The following TOP2A variants were observed in gnomAD, a reference collection of about 807,000 sequenced individuals.
The protein encoded by TOP2A is DNA topoisomerase II alpha, also known as DNA topoisomerase 2-alpha.
A neutral mutation model predicts 187.2 loss-of-function variants in TOP2A; 68 were observed. The ratio of observed to expected loss-of-function variants is 0.36; its 90% confidence interval spans 0.30 to 0.44. The LOEUF (loss-of-function observed/expected upper bound fraction) is 0.44. Ranked by LOEUF, TOP2A falls within the 20% of genes least tolerant of loss-of-function variation. The pLI, the probability that TOP2A is intolerant of heterozygous loss-of-function variation, is 1.00. For synonymous variants in TOP2A, 542 were observed against 593.2 expected, an observed-to-expected ratio of 0.91 and a Z score of 1.25; for missense variants, 1,196 against 1,808.7, an observed-to-expected ratio of 0.66 and a Z score of 6.14.
Position 40,392,227 on chromosome 17 carries a change from G to A in TOP2A, c.4079C>T (p.Thr1360Ile). ...TAGATAAGATACTTGCTTTGGGGAA[G>A]TTTTGGTCTTAGGTGGACTAGCATC... The part of the protein sequence containing the change: ...PSDASPPKTK[T>I]SPKLSNKELK... The change falls in exon 31 of 35, where the codon ACT becomes ATT. Residue 1360 changes from threonine to isoleucine, a missense_variant. By Grantham distance (89) the Thr-to-Ile change is moderately conservative. This residue lies in a region of TOP2A where 374 missense variants were observed against 403.3 expected (regional missense o/e 0.93). Transcript: ENST00000423485. The A allele has an allele frequency of 6.2e-7, 1 of 1,613,152 alleles. No homozygotes were observed. The highest frequency in any genetic ancestry group is 1.3e-5 in the African/African-American group (1 of 75,006).
chr17:40,396,332 G>A lies in TOP2A; in HGVS notation c.3671C>T (p.Thr1224Ile). The change falls in exon 28 of 35, where the codon ACC becomes ATC. Residue 1224 changes from threonine to isoleucine, a missense_variant. Thr to Ile is a moderately conservative substitution (Grantham distance 89, BLOSUM62 -1). Around this residue, in one of 10 missense-constraint regions of TOP2A, gnomAD observed 374 missense variants for 403.3 expected, o/e 0.93. Transcript: ENST00000423485. The stretch of plus-strand genomic sequence containing the variant: ...TTCTGCCTCTGCTTTCATTTCTATG[G>A]TTATTCGTGGAATGACTCTTTGACC... ...PRGQRVIPRI[T>I]IEMKAEAEKK... The A allele has an allele frequency of 6.2e-7, 1 of 1,612,910 alleles. No individual in the cohort carries two copies.
At chr17:40,407,930 A>G in intron 12 of TOP2A, 37 bp downstream of exon 12, 1 of 1,564,942 alleles carries the variant, frequency 6.4e-7, no homozygotes, top group Non-Finnish European at 8.7e-7. Context: ...TGTATTATAA[A>G]TTAGATTTAG....
In TOP2A at chr17:40,402,066, G is replaced by C. The variant is rs542380843; in HGVS notation, c.2432+840C>G. Among the ~76,000 whole-genome samples the C allele has an allele frequency of 1.1e-3, 174 of 152,286 alleles. 1 individual carries two copies. Among genetic ancestry groups the C allele is most frequent in the African/African-American group, 3.9e-3 (161 of 41,560 alleles). ...CAATAGTTTAGATGAGATGGGGGTG[G>C]CTTAGTATTTTTCCAATGCAGATCC... On this transcript the variant is annotated intron_variant, in intron 20 of 34. Coordinates refer to ENST00000423485, the MANE Select transcript of TOP2A (RefSeq NM_001067.4).
At chr17:40,417,700 C>G in intron 1 of TOP2A, 71 bp downstream of exon 1, 3 of 1,605,722 alleles carry the variant, frequency 1.9e-6, no homozygotes, top group Non-Finnish European at 2.5e-6. Context: ...GAGCTTCACC[C>G]GTCACGGGCG....
rs769651776 is a variant in TOP2A at position 40,399,063 on chromosome 17, C to T, written c.3265G>A (p.Ala1089Thr). The T allele has an allele frequency of 3.1e-6, 5 of 1,591,002 alleles. No individual in the cohort carries two copies. Among genetic ancestry groups the T allele is most frequent in the Non-Finnish European group, 4.3e-6 (5 of 1,167,042 alleles). ...ACCTTTTGCTGGGCTTCTTTCCAGG[C>T]CTTCACAGGATCCGAATCATATCCC... ...QRGYDSDPVK[A>T]WKEAQQKVPD... The change falls in exon 25 of 35, where the codon GCC (alanine) becomes ACC (threonine). Residue 1089 changes from alanine to threonine, a missense_variant. By Grantham distance (58) the Ala-to-Thr change is moderately conservative. Coordinates refer to ENST00000423485, the MANE Select transcript of TOP2A (RefSeq NM_001067.4).
At position 40,389,284 on chromosome 17, in the gene TOP2A, G is replaced by T; in HGVS notation, c.*235C>A. 1 of 380,534 alleles carries T rather than the reference G, an allele frequency of 2.6e-6. No homozygotes were observed. Among genetic ancestry groups the T allele is most frequent in the Non-Finnish European group, 4.7e-6 (1 of 212,756 alleles). The allele number at this position is 380,534 out of a possible 1,614,324, so 23.6% of individuals were successfully genotyped here. ...AATCAGGTTTTAAAGACAAAAGAAA[G>T]CAGACTCAAAACACAGACAAAGCAG... On this transcript the variant is annotated 3_prime_UTR_variant, in exon 35 of 35. Transcript: ENST00000423485.
chr17:40,391,911 G>A (rs76884315), intron 32 of TOP2A, 157 bp downstream of exon 32: 11,784 of 874,906 alleles, frequency 0.013, 109 homozygotes, highest in Non-Finnish European at 0.017. Flanking sequence ...ATTTACATGT[G>A]AAACTAAACC....
At chr17:40,417,520 C>A in intron 1 of TOP2A, 12 of 1,419,584 alleles carry the variant, frequency 8.5e-6, no homozygotes, top group Non-Finnish European at 1.1e-5. Flanking sequence ...CACTACGGGA[C>A]CAACGGACTC....
Position 40,395,529 on chromosome 17 carries a change from G to T in TOP2A, c.3731C>A (p.Thr1244Asn). ...KNKKKIKNEN[T>N]EGSPQEDGVE... The stretch of plus-strand genomic sequence containing the variant: ...ACCATCTTCTTGAGGGCTTCCTTCA[G>T]TATTTTCATTCTAAAAGATAGCAAA... Residue 1244 changes from threonine to asparagine, a missense_variant, in exon 29 of 35, where the codon ACT becomes AAT. By Grantham distance (65) the Thr-to-Asn change is moderately conservative (BLOSUM62 0). This residue lies in a region of TOP2A where 374 missense variants were observed against 403.3 expected (regional missense o/e 0.93). Transcript: ENST00000423485. 1.2e-6 allele frequency: 2 copies of T among 1,607,116 alleles called. No individual in the cohort carries two copies. The highest frequency in any genetic ancestry group is 1.7e-6 in the Non-Finnish European group (2 of 1,175,106).
chr17:40,408,491 C>T lies in TOP2A; in HGVS notation c.1342+1G>A, dbSNP rs2035276012. 1 of 1,611,450 alleles carries T rather than the reference C, an allele frequency of 6.2e-7. No individual in the cohort carries two copies. On this transcript the variant is annotated splice_donor_variant, in intron 11 of 34. Coordinates refer to ENST00000423485, the MANE Select transcript of TOP2A (RefSeq NM_001067.4). LOFTEE classifies it high-confidence loss of function. ...GTTTGGAAACATTATTAAATATATA[C>T]CTGCATCATTGGCATCATCGAGTTT...
At position 40,416,315 on chromosome 17, in the gene TOP2A, A is replaced by T. The variant is rs562314560; in HGVS notation, c.268+107T>A. ...GAGCCCTGGCTACAGCAGGTTTGGTAGAAATGATACTTTTTGTTTTTACTT... is the reference window on the plus strand; with the variant it reads ...GAGCCCTGGCTACAGCAGGTTTGGTTGAAATGATACTTTTTGTTTTTACTT... On this transcript the variant is annotated intron_variant, in intron 3 of 34. Transcript: ENST00000423485. 2.1e-4 allele frequency: 173 copies of T among 843,560 alleles called. No individual in the cohort carries two copies. The South Asian group carries it at 2.8e-3, about 14-fold the overall frequency. 52.3% of individuals were successfully genotyped at this position (843,560 alleles called of 1,614,324 possible). A position where few individuals can be genotyped will look rare whatever the true frequency, so the allele number is the denominator to read the frequency against.
chr17:40,406,724 C>A (rs774276379), intron 14 of TOP2A, 35 bp from the exon 15 acceptor site: 2 of 1,592,946 alleles, frequency 1.3e-6, no homozygotes, highest in Non-Finnish European at 8.6e-7. Flanking sequence ...GCTTTGTACA[C>A]TGTGGGGTCC....
At chr17:40,416,597 A>C in intron 2 of TOP2A, 85 bp from the exon 3 acceptor site, 1 of 1,418,842 alleles carries the variant, frequency 7.0e-7, no homozygotes, top group Non-Finnish European at 9.9e-7. Flanking sequence ...GTTCATATTA[A>C]GTATTACCAT....
intron 29 of TOP2A, 118 bp downstream of exon 29, chr17:40,395,331 T>C (rs991021768): frequency 1.4e-4 from 60 of 440,386 alleles, no homozygotes; most frequent in Non-Finnish European, 2.0e-4. Flanking sequence ...TGAGATACAG[T>C]CCTCTTTCAC....
intron 16 of TOP2A, among the ~76,000 whole-genome samples, 157 bp downstream of exon 16, chr17:40,406,227 G>T (rs2143663940): frequency 6.6e-6 from 1 of 151,968 alleles, no homozygotes; most frequent in East Asian, 1.9e-4. Flanking sequence ...TAAAATATCT[G>T]ATTCCTTCTC....
rs1338835453 is a variant in TOP2A, at chr17:40,413,735, G to A, written c.333-110C>T. 6 of 554,652 alleles carry A rather than the reference G, an allele frequency of 1.1e-5. No homozygotes were observed. In the South Asian group the frequency reaches 1.1e-4, roughly 11 times the overall value. 34.4% of individuals were successfully genotyped at this position (554,652 alleles called of 1,614,324 possible). ...TAAAATATGTATATTCAGGCTGGGCGCGGTGGCCTGTGCCTGTAATCCCAG... is the reference window on the plus strand; with the variant it reads ...TAAAATATGTATATTCAGGCTGGGCACGGTGGCCTGTGCCTGTAATCCCAG... On this transcript the variant is annotated intron_variant, in intron 4 of 34. Transcript: ENST00000423485.
Position 40,408,015 on chromosome 17 carries a change from G to A in TOP2A, c.1452C>T (p.Phe484=). The change falls in exon 12 of 35, where the codon TTC becomes TTT. Residue 484 remains phenylalanine (F), a synonymous_variant. Coordinates refer to ENST00000423485, the MANE Select transcript of TOP2A (RefSeq NM_001067.4). ...CATTGAGTATTTTTCCTCTAAGAGG[G>A]AAAACCCCATATTTGTCTCTCCCAA... ...GVVGRDKYGV[F]PLRGKILNVR... 6.2e-7 allele frequency: 1 copy of A among 1,613,352 alleles called. No individual in the cohort carries two copies. The highest frequency in any genetic ancestry group is 8.5e-7 in the Non-Finnish European group (1 of 1,179,606).
chr17:40,412,261 GA>G (rs1280113043), intron 7 of TOP2A, among the ~76,000 whole-genome samples: 1 of 152,150 alleles, frequency 6.6e-6, no homozygotes, highest in Admixed American at 6.5e-5. Flanking sequence ...CTTTGAGAAA[GA>G]AATTCCTTCG....
Position 40,395,429 on chromosome 17 carries a change from T to C in TOP2A, c.3811+20A>G. The stretch of plus-strand genomic sequence containing the variant: ...ATTTAATCTTCACTTTATACCATTT[T>C]TCTAAAAATGTTGTAATACCTGGTT... On this transcript the variant is annotated intron_variant, in intron 29 of 34. Coordinates refer to ENST00000423485, the MANE Select transcript of TOP2A (RefSeq NM_001067.4). 6.5e-7 allele frequency: 1 copy of C among 1,533,708 alleles called. No homozygotes were observed.
Sources: gnomAD v4.1 joint callset for allele counts (sites outside exome capture counted in the v4.1 genomes callset) on GRCh38, gnomAD v4.1.1 for gene constraint, gnomAD v4.1.1 regional missense constraint, MANE v1.5 for transcripts, NCBI Gene and HGNC (gene_info 2026-07-23, HGNC 2026-07-21) for gene names.